PEX14: variants seen among roughly 807,000 people sequenced by gnomAD.
The protein encoded by PEX14 is peroxisomal biogenesis factor 14.
Under a neutral mutation model 49.5 loss-of-function variants are expected in PEX14, and 15 were observed. The ratio of observed to expected loss-of-function variants is 0.30; its 90% CI spans 0.20 to 0.47. PEX14 has a LOEUF of 0.47. Among genes scored for constraint, PEX14 ranks in the 20% least tolerant of loss-of-function variants. PEX14 has a pLI of 1.00. For synonymous variants in PEX14, 210 were observed against 212.7 expected, an observed-to-expected ratio of 0.99 and a Z score of 0.11; for missense variants, 398 against 494.8, an observed-to-expected ratio of 0.80 and a Z score of 1.86.
intron 3 of PEX14, among the ~76,000 whole-genome samples, chr1:10,554,269 A>T (rs1639422414): frequency 6.8e-6 from 1 of 146,182 alleles, no homozygotes; most frequent in Non-Finnish European, 1.5e-5. Context: ...GCACCACTGC[A>T]CTCCAGCCTG....
At chr1:10,577,116 A>C (rs1053744862) in intron 3 of PEX14, among the ~76,000 whole-genome samples, 2 of 151,814 alleles carry the variant, frequency 1.3e-5, no homozygotes, top group Non-Finnish European at 2.9e-5. Flanking sequence ...CTCTTTAAAA[A>C]ACATTCTGAG....
intron 4 of PEX14, among the ~76,000 whole-genome samples, chr1:10,609,270 A>C (rs1259331496): frequency 6.6e-6 from 1 of 152,218 alleles, no homozygotes; most frequent in Non-Finnish European, 1.5e-5. Flanking sequence ...CCTCTTGGGT[A>C]GATATCTAGG....
chr1:10,624,569 C>T lies in PEX14; in HGVS notation c.585+132C>T, dbSNP rs928820301. On this transcript the variant is annotated intron_variant, in intron 7 of 8. Transcript: ENST00000356607. The stretch of plus-strand genomic sequence containing the variant: ...CCCAGTCTCACAGTGGTTACACAGC[C>T]GTGGCCGATGCTGCCCTTTCTCTCC... 21 of 707,604 alleles carry T rather than the reference C, an allele frequency of 3.0e-5. 1 individual carries two copies. Among genetic ancestry groups the T allele is most frequent in the Admixed American group, 2.2e-4 (11 of 49,306 alleles). The allele number at this position is 707,604 out of a possible 1,614,324, so 43.8% of individuals were successfully genotyped here. A position where few individuals can be genotyped will look rare whatever the true frequency, so the allele number is the denominator to read the frequency against.
intron 2 of PEX14, among the ~76,000 whole-genome samples, chr1:10,505,411 A>G (rs989377134): frequency 5.3e-5 from 8 of 152,234 alleles, no homozygotes; most frequent in African/African-American, 1.9e-4. Context: ...TTGTGATTAC[A>G]GTGAGTCTGG....
rs949873098 is a variant in PEX14 at position 10,529,464 on chromosome 1, GAT to G, written c.85-6748_85-6747del. 4.6e-5 allele frequency among the ~76,000 whole-genome samples: 7 copies of G among 152,222 alleles called. No individual in the cohort carries two copies. Among genetic ancestry groups the G allele is most frequent in the Non-Finnish European group, 8.8e-5 (6 of 68,044 alleles). ...CATTAAATAGTGCGTGGTGGTTTAA[GAT>G]GCTTTTTATTTCAATATACATTTCT... On this transcript the variant is annotated intron_variant, in intron 2 of 8. Transcript: ENST00000356607. This position sits in a 1 kb window ranked among gnomAD's most constrained non-coding sequence, Gnocchi z 4.2.
At chr1:10,523,215 A>G (rs17035143) in intron 2 of PEX14, among the ~76,000 whole-genome samples, 1,723 of 152,106 alleles carry the variant, frequency 0.011, 35 homozygotes, top group African/African-American at 0.039. Flanking sequence ...TTTATCTTCT[A>G]TGATTTGGAT....
At chr1:10,622,922 G>A (rs1376063812) in intron 5 of PEX14, 97 bp from the exon 6 acceptor site, 2 of 831,340 alleles carry the variant, frequency 2.4e-6, no homozygotes, top group Non-Finnish European at 4.1e-6. Flanking sequence ...CAAAACCCAG[G>A]GATGACAGGG....
At chr1:10,619,069 A>G (rs1047609491) in intron 5 of PEX14, among the ~76,000 whole-genome samples, 1 of 152,214 alleles carries the variant, frequency 6.6e-6, no homozygotes, top group Non-Finnish European at 1.5e-5. Flanking sequence ...GCTGCCATCT[A>G]TAGAAATCTA....
intron 3 of PEX14, among the ~76,000 whole-genome samples, chr1:10,547,978 G>A (rs1639224459): frequency 6.6e-6 from 1 of 152,156 alleles, no homozygotes; most frequent in Admixed American, 6.5e-5. Context: ...CACTTTGGGA[G>A]GCTGAGGCAG....
intron 5 of PEX14, among the ~76,000 whole-genome samples, chr1:10,620,356 C>CG (rs1641553876): frequency 6.6e-6 from 1 of 150,570 alleles, no homozygotes; most frequent in African/African-American, 2.5e-5. Context: ...GTGGTGTGAG[C>CG]CTGTAGTCCC....
chr1:10,581,788 A>T (rs989073390), intron 3 of PEX14, among the ~76,000 whole-genome samples: 3 of 149,958 alleles, frequency 2.0e-5, no homozygotes, highest in African/African-American at 7.3e-5. Flanking sequence ...ATAAAATAAA[A>T]ATAAAATAAT....
chr1:10,627,208 C>T lies in PEX14; in HGVS notation c.586-64C>T, dbSNP rs142150282. On this transcript the variant is annotated intron_variant, in intron 7 of 8. Transcript: ENST00000356607. ...TGCTGCCCCCACCCAGGTCCTCCTG[C>T]AGCCGCAGGCCCCGCCCGTGCCGCA... The T allele has an allele frequency of 2.7e-3, 2,986 of 1,104,194 alleles. 5 individuals carry two copies. The highest frequency in any genetic ancestry group is 3.6e-3 in the Admixed American group (216 of 59,364). 68.4% of individuals were successfully genotyped at this position (1,104,194 alleles called of 1,614,324 possible). A position where few individuals can be genotyped will look rare whatever the true frequency, so the allele number is the denominator to read the frequency against.
chr1:10,490,285 T>C (rs1246572018), intron 1 of PEX14, among the ~76,000 whole-genome samples: 1 of 152,138 alleles, frequency 6.6e-6, no homozygotes, highest in Non-Finnish European at 1.5e-5. Context: ...CTATCTGGAG[T>C]CACAGTCACC....
chr1:10,569,029 C>T (rs1398442586), intron 3 of PEX14, among the ~76,000 whole-genome samples: 2 of 152,154 alleles, frequency 1.3e-5, no homozygotes, highest in Non-Finnish European at 2.9e-5. Flanking sequence ...GCATGAGCCA[C>T]TGTGCCTGGC....
At chr1:10,543,710 G>A (rs1206169890) in intron 3 of PEX14, among the ~76,000 whole-genome samples, 1 of 152,110 alleles carries the variant, frequency 6.6e-6, no homozygotes, top group Non-Finnish European at 1.5e-5. Context: ...GGGCTCAAGC[G>A]ATCCTTCTGC....
intron 2 of PEX14, among the ~76,000 whole-genome samples, chr1:10,504,194 C>T (rs571888805): frequency 2.4e-4 from 37 of 152,276 alleles, no homozygotes; most frequent in East Asian, 1.7e-3. Flanking sequence ...ACGTATTCAC[C>T]GCCCTTCCTT....
At position 10,624,333 on chromosome 1, in the gene PEX14, C is replaced by T. The variant is rs1193529533; in HGVS notation, c.488-7C>T. The T allele has an allele frequency of 6.3e-7, 1 of 1,597,566 alleles. No homozygotes were observed. Among genetic ancestry groups the T allele is most frequent in the Admixed American group, 1.7e-5 (1 of 60,016 alleles). ...TTGCCAGCGCCGTGACTGCTTTCTC[C>T]TCGCAGTGACTCAGTTACAGACGAC... is the stretch of plus-strand genomic sequence containing the variant. On this transcript the variant is annotated splice_polypyrimidine_tract_variant and splice_region_variant and intron_variant, in intron 6 of 8. Coordinates refer to ENST00000356607, the MANE Select transcript of PEX14 (RefSeq NM_004565.3).
At position 10,628,924 on chromosome 1, in the gene PEX14, A is replaced by G. The variant is rs1641826203; in HGVS notation, c.678-607A>G. Among the ~76,000 whole-genome samples the G allele has an allele frequency of 6.6e-6, 1 of 152,230 alleles. No individual in the cohort carries two copies. The highest frequency in any genetic ancestry group is 2.4e-5 in the African/African-American group (1 of 41,458). On this transcript the variant is annotated intron_variant, in intron 8 of 8. Coordinates refer to ENST00000356607, the MANE Select transcript of PEX14 (RefSeq NM_004565.3). The surrounding 1 kb of genome is among the most constrained non-coding windows in gnomAD (Gnocchi z 4.5). The stretch of plus-strand genomic sequence containing the variant: ...TTTGGTTTGGGCTGGCTGCTGGCCC[A>G]GGAACGGAGTACGGAGCAGAAGGGA...
intron 2 of PEX14, among the ~76,000 whole-genome samples, chr1:10,509,367 G>C (rs1351849094): frequency 1.3e-5 from 2 of 152,200 alleles, no homozygotes; most frequent in Admixed American, 6.5e-5. Context: ...TTGACAGTAA[G>C]GTGGTTTATA....
Sources: allele counts gnomAD v4.1 joint callset (sites outside exome capture counted in the v4.1 genomes callset), GRCh38; gene constraint gnomAD v4.1.1; non-coding constraint Gnocchi (gnomAD v3.1); transcripts MANE v1.5; gene names NCBI Gene and HGNC (gene_info 2026-07-23, HGNC 2026-07-21).